The following CCDC146 variants were observed in gnomAD, a reference collection of about 807,000 sequenced individuals.
The protein encoded by CCDC146 is coiled-coil domain containing 146.
CCDC146 carries 92 observed loss-of-function variants against 119.3 expected under a neutral mutation model. That is an observed-to-expected ratio of 0.77 (90% confidence interval 0.65 to 0.92). The LOEUF (loss-of-function observed/expected upper bound fraction) is 0.92. CCDC146 is among the 40% of genes least tolerant of loss of function. The pLI, the probability that CCDC146 is intolerant of heterozygous loss-of-function variation, is 0.00. For missense variants in CCDC146, 1,000 were observed against 1,103.0 expected, an observed-to-expected ratio of 0.91 and a Z score of 1.32; for synonymous variants, 372 against 371.8, an observed-to-expected ratio of 1.00 and a Z score of -0.01.
chr7:77,269,830 T>C (rs2150527682), intron 9 of CCDC146, among the ~76,000 whole-genome samples: 1 of 152,330 alleles, frequency 6.6e-6, no homozygotes. Flanking sequence ...ACTTCCTCTT[T>C]GACCCTGTGA....
Position 77,144,527 on chromosome 7 carries a change from T to A in CCDC146, c.-12+21795T>A, listed in dbSNP as rs1204517039. ...AAAGGAAATGCTTCCAGTTTTTGCC[T>A]GTTCAGTATGATATTGGTTGTGGGT... On this transcript the variant is annotated intron_variant, in intron 1 of 18. Transcript: ENST00000285871. Among the ~76,000 whole-genome samples, 3 of 151,784 alleles carry A rather than the reference T, an allele frequency of 2.0e-5. 1 individual carries two copies. Among genetic ancestry groups the A allele is most frequent in the African/African-American group, 7.3e-5 (3 of 41,086 alleles).
chr7:77,263,831 G>A (rs1246152971), intron 9 of CCDC146, among the ~76,000 whole-genome samples: 1 of 152,174 alleles, frequency 6.6e-6, no homozygotes, highest in Non-Finnish European at 1.5e-5. Context: ...GGCTGAGGCA[G>A]GAGAATCGCT....
At chr7:77,228,924 C>A (rs562655285) in intron 2 of CCDC146, among the ~76,000 whole-genome samples, 1 of 152,328 alleles carries the variant, frequency 6.6e-6, no homozygotes, top group Non-Finnish European at 1.5e-5. Flanking sequence ...GTTTGCTGCA[C>A]CTGTCAATCA....
chr7:77,172,053 A>G (rs1221998364), intron 2 of CCDC146, among the ~76,000 whole-genome samples: 1 of 152,228 alleles, frequency 6.6e-6, no homozygotes, highest in Non-Finnish European at 1.5e-5. Context: ...TGTGCTACAT[A>G]CACTTTTGAG....
intron 2 of CCDC146, chr7:77,198,115 A>T (rs1005670178): frequency 1.0e-6 from 1 of 984,698 alleles, no homozygotes; most frequent in African/African-American, 1.7e-5. Flanking sequence ...ATACCCACTG[A>T]TGTCACCTAA....
chr7:77,259,987 T>A, intron 7 of CCDC146, 22 bp from the exon 8 acceptor site: 1 of 703,510 alleles, frequency 1.4e-6, no homozygotes, highest in Non-Finnish European at 2.4e-6. Flanking sequence ...TGTGTGTGTG[T>A]GTGTGTGTGT....
chr7:77,160,193 C>A (rs1365077373), intron 1 of CCDC146, among the ~76,000 whole-genome samples: 2 of 152,142 alleles, frequency 1.3e-5, no homozygotes, highest in African/African-American at 4.8e-5. Context: ...AGTTTGAAGT[C>A]AGGTAGCGTG....
intron 1 of CCDC146, among the ~76,000 whole-genome samples, chr7:77,165,897 T>C (rs913742496): frequency 2.0e-5 from 3 of 152,180 alleles, no homozygotes; most frequent in Admixed American, 2.0e-4. Flanking sequence ...GTTTTGAAAA[T>C]TGCTATAATA....
At chr7:77,286,094 G>A (rs2150552522) in intron 15 of CCDC146, among the ~76,000 whole-genome samples, 1 of 152,266 alleles carries the variant, frequency 6.6e-6, no homozygotes, top group Non-Finnish European at 1.5e-5. Context: ...AAAGAAAAGA[G>A]GTTTATTTTA....
At chr7:77,257,129 G>GCA (rs1213117819) in intron 6 of CCDC146, 33 of 151,000 alleles carry the variant, frequency 2.2e-4, no homozygotes, top group East Asian at 5.8e-4. Context: ...ACAACAAAAC[G>GCA]CACACACACA....
At chr7:77,244,756 T>C (rs1482189882) in intron 4 of CCDC146, among the ~76,000 whole-genome samples, 1 of 152,182 alleles carries the variant, frequency 6.6e-6, no homozygotes, top group Non-Finnish European at 1.5e-5. Flanking sequence ...AGCACATGAC[T>C]GCACATGACA....
chr7:77,242,346 A>G (rs1310953964), intron 4 of CCDC146: 4 of 992,496 alleles, frequency 4.0e-6, no homozygotes, highest in Non-Finnish European at 3.6e-6. Context: ...GGCTCACTCT[A>G]TTCTTCTAAG....
intron 2 of CCDC146, among the ~76,000 whole-genome samples, chr7:77,220,240 G>A (rs2150460697): frequency 6.6e-6 from 1 of 152,232 alleles, no homozygotes; most frequent in East Asian, 1.9e-4. Flanking sequence ...AAAGAATTCA[G>A]TGATAATTCT....
chr7:77,235,629 ACCC>A (rs1792719708), intron 2 of CCDC146, among the ~76,000 whole-genome samples: 4 of 152,164 alleles, frequency 2.6e-5, no homozygotes, highest in African/African-American at 9.7e-5. Context: ...TGTTTTGATC[ACCC>A]AGCATAACAT....
At position 77,167,935 on chromosome 7, in the gene CCDC146, G is replaced by A. The variant is rs1791362679; in HGVS notation, c.156+111G>A. The A allele has an allele frequency of 3.6e-5, 50 of 1,384,528 alleles. No homozygotes were observed. The South Asian group carries it at 7.0e-4, about 19-fold the overall frequency. The allele number at this position is 1,384,528 out of a possible 1,614,324, so 85.8% of individuals were successfully genotyped here. A position where few individuals can be genotyped will look rare whatever the true frequency, so the allele number is the denominator to read the frequency against. On this transcript the variant is annotated intron_variant, in intron 2 of 18. Coordinates refer to ENST00000285871, the MANE Select transcript of CCDC146 (RefSeq NM_020879.3). ...ATTCTTTATTACATATATCCTGTAG[G>A]TGATATTTACAACTTGATACACTAA...
chr7:77,167,777 C>A lies in CCDC146; in HGVS notation c.109C>A (p.Arg37=), dbSNP rs374413765. Reference sequence around the variant, plus strand: ...GCCCACAATTAACATTCAAGATGAGCGGTTTGTTGATTTATCTGAAACTCC... The same window carrying A: ...GCCCACAATTAACATTCAAGATGAGAGGTTTGTTGATTTATCTGAAACTCC... ...IVPTINIQDE[R]FVDLSETPAF... Residue 37 remains arginine (R), a synonymous_variant, in exon 2 of 19, where the codon CGG becomes AGG. Transcript: ENST00000285871. 5.0e-6 allele frequency: 8 copies of A among 1,611,094 alleles called. No homozygotes were observed. The highest frequency in any genetic ancestry group is 4.0e-5 in the African/African-American group (3 of 74,740).
chr7:77,288,705 A>G (rs1417621937), intron 17 of CCDC146, among the ~76,000 whole-genome samples: 5 of 152,208 alleles, frequency 3.3e-5, no homozygotes, highest in Non-Finnish European at 5.9e-5. Flanking sequence ...TTCAGAAACA[A>G]AGAGGAAGGG....
At chr7:77,243,901 CAG>C (rs1322836599) in intron 4 of CCDC146, among the ~76,000 whole-genome samples, 1 of 152,086 alleles carries the variant, frequency 6.6e-6, no homozygotes, top group East Asian at 1.9e-4. Flanking sequence ...TGTTTTGAGA[CAG>C]AGTCGTGCTC....
At chr7:77,291,149 T>C (rs1247954551) in intron 17 of CCDC146, among the ~76,000 whole-genome samples, 1 of 152,232 alleles carries the variant, frequency 6.6e-6, no homozygotes, top group Non-Finnish European at 1.5e-5. Flanking sequence ...GTGAAATACA[T>C]ATATAATATC....
Sources: gnomAD v4.1 joint callset for allele counts (sites outside exome capture counted in the v4.1 genomes callset) on GRCh38, gnomAD v4.1.1 for gene constraint, MANE v1.5 for transcripts, NCBI Gene and HGNC (gene_info 2026-07-23, HGNC 2026-07-21) for gene names.